The following ABCB5 variants were observed in gnomAD, a reference collection of about 807,000 sequenced individuals.
ABCB5 encodes ATP-binding cassette sub-family B member 5.
In ABCB5, 155 loss-of-function variants were observed where a neutral mutation model predicts 144.2. That is an observed-to-expected ratio of 1.08 (90% CI 0.94 to 1.23). The LOEUF (loss-of-function observed/expected upper bound fraction) is 1.23. Among genes scored for constraint, ABCB5 ranks in the 50% most tolerant of loss-of-function variants. ABCB5 has a pLI of 0.00. For missense variants in ABCB5, 1,830 were observed against 1,520.8 expected (o/e 1.20, Z -3.38); for synonymous variants, 610 against 528.6 (o/e 1.15, Z -2.11).
intron 22 of ABCB5, among the ~76,000 whole-genome samples, chr7:20,727,922 G>A (rs544016654): frequency 3.9e-5 from 6 of 151,994 alleles, no homozygotes; most frequent in Non-Finnish European, 7.4e-5. Flanking sequence ...CTTGTAGTTG[G>A]CACCACCCTT....
chr7:20,643,948 C>T (rs1039849737), intron 7 of ABCB5, among the ~76,000 whole-genome samples: 1 of 152,188 alleles, frequency 6.6e-6, no homozygotes, highest in Non-Finnish European at 1.5e-5. Flanking sequence ...TTAGTTGTTG[C>T]TGTTGGGACA....
intron 20 of ABCB5, among the ~76,000 whole-genome samples, chr7:20,706,234 C>T (rs918260242): frequency 4.6e-5 from 7 of 152,160 alleles, no homozygotes; most frequent in Non-Finnish European, 8.8e-5. Context: ...AAATATCAAT[C>T]CCTATAATTC....
Position 20,643,372 on chromosome 7 carries a change from C to G in ABCB5, c.503C>G (p.Thr168Arg). 1 of 1,613,924 alleles carries G rather than the reference C, an allele frequency of 6.2e-7. No individual in the cohort carries two copies. The highest frequency in any genetic ancestry group is 8.5e-7 in the Non-Finnish European group (1 of 1,179,842). ...CDIGELNTRMTDDIDKISDGI... is the reference protein window; with the variant it reads ...CDIGELNTRMRDDIDKISDGI... Reference sequence around the variant, plus strand: ...ATCGGTGAACTTAACACTCGCATGACAGAGTAAGAGGATGATATTGTAGTA... The same window carrying G: ...ATCGGTGAACTTAACACTCGCATGAGAGAGTAAGAGGATGATATTGTAGTA... The change falls in exon 6 of 28, where the codon ACA becomes AGA. Residue 168 changes from threonine to arginine, a missense_variant. Physicochemically the swap from Thr to Arg is moderately conservative, Grantham distance 71 (BLOSUM62 -1). Coordinates refer to ENST00000404938, the MANE Select transcript of ABCB5 (RefSeq NM_001163941.2).
rs1267165260 is a variant in ABCB5, at chr7:20,756,704, T to C, written c.*1080T>C. The C allele has an allele frequency of 2.0e-5, 3 of 152,190 alleles. No individual in the cohort carries two copies. Among genetic ancestry groups the C allele is most frequent in the East Asian group, 1.9e-4 (1 of 5,204 alleles). 9.4% of individuals were successfully genotyped at this position (152,190 alleles called of 1,614,324 possible). ...GAAAATTTTTAAACGTCTTTCTCTA[T>C]AATAAAATAATTTCCTTAAATTTTA... On this transcript the variant is annotated 3_prime_UTR_variant, in exon 28 of 28. Transcript: ENST00000404938.
chr7:20,675,895 A>T (rs1223824177), intron 14 of ABCB5, among the ~76,000 whole-genome samples: 2 of 152,136 alleles, frequency 1.3e-5, no homozygotes, highest in African/African-American at 4.8e-5. Context: ...AAGACATACA[A>T]ATGGCCAACA....
intron 20 of ABCB5, among the ~76,000 whole-genome samples, chr7:20,722,011 T>G (rs1173594637): frequency 6.6e-6 from 1 of 152,258 alleles, no homozygotes; most frequent in Non-Finnish European, 1.5e-5. Context: ...TGCTAGTATT[T>G]ATTAAAATAT....
At chr7:20,657,689 T>C (rs1376337110) in intron 13 of ABCB5, among the ~76,000 whole-genome samples, 2 of 152,208 alleles carry the variant, frequency 1.3e-5, no homozygotes, top group African/African-American at 4.8e-5. Context: ...TCTTTATTGG[T>C]ATGGTGGTAA....
intron 3 of ABCB5, among the ~76,000 whole-genome samples, chr7:20,627,557 T>C (rs1783937152): frequency 6.6e-6 from 1 of 152,170 alleles, no homozygotes; most frequent in Non-Finnish European, 1.5e-5. Context: ...ATTTTGCTCA[T>C]GATTTGGTTT....
At position 20,731,369 on chromosome 7, in the gene ABCB5, A is replaced by AAAAAAAAAAAAATATAT. The variant is rs57305244; in HGVS notation, c.2867+2915_2867+2916insAAAAAAAAAAATATATA. Among the ~76,000 whole-genome samples the AAAAAAAAAAAAATATAT allele has an allele frequency of 2.1e-4, 26 of 123,064 alleles. 1 individual carries two copies. The highest frequency in any genetic ancestry group is 7.9e-4 in the African/African-American group (24 of 30,422). 80.7% of individuals were successfully genotyped at this position (123,064 alleles called of 152,430 possible). On this transcript the variant is annotated intron_variant, in intron 23 of 27. Transcript: ENST00000404938. ...CTCCAACTCAGGAAAAAAAAAAAAAAATATATATATATATATACATATAAA... is the reference window on the plus strand; with the variant it reads ...CTCCAACTCAGGAAAAAAAAAAAAAAAAAAAAAAAAAATATATATATATATATATATATACATATAAA...
chr7:20,645,819 G>T lies in ABCB5; in HGVS notation c.742G>T (p.Glu248Ter). 2 of 1,613,880 alleles carry T rather than the reference G, an allele frequency of 1.2e-6. No individual in the cohort carries two copies. The highest frequency in any genetic ancestry group is 2.2e-5 in the East Asian group (1 of 44,870). ...AYSKAGAVAE[E>*]VLSSIRTVIA... is the part of the protein sequence containing the mutation. ...TTCCAAAGCTGGGGCTGTGGCAGAA[G>T]AAGTCTTGTCATCAATCCGAACAGT... Residue 248 changes from glutamate to a stop codon, truncating the protein, a stop_gained, in exon 8 of 28, where the codon GAA (glutamate) becomes TAA (stop). Coordinates refer to ENST00000404938, the MANE Select transcript of ABCB5 (RefSeq NM_001163941.2). LOFTEE classifies it high-confidence loss of function.
intron 6 of ABCB5, 37 bp from the exon 7 acceptor site, chr7:20,643,423 AT>A (rs1562534121): frequency 6.2e-7 from 1 of 1,613,356 alleles, no homozygotes; most frequent in East Asian, 2.2e-5. Context: ...CATATGTGAC[AT>A]GTAAATGACC....
intron 21 of ABCB5, among the ~76,000 whole-genome samples, chr7:20,724,750 G>A (rs992827947): frequency 7.9e-5 from 12 of 151,772 alleles, no homozygotes; most frequent in East Asian, 1.9e-4. Context: ...TCTGTATCAC[G>A]GTGAATGTGT....
chr7:20,716,963 T>C (rs1781693516), intron 20 of ABCB5, among the ~76,000 whole-genome samples: 1 of 152,092 alleles, frequency 6.6e-6, no homozygotes, highest in African/African-American at 2.4e-5. Context: ...GTCCCAAGGC[T>C]TAGATGGCCA....
rs372694419 is a variant in ABCB5 at position 20,747,807 on chromosome 7, C to G, written c.3429+2369C>G. Among the ~76,000 whole-genome samples, 18 of 152,092 alleles carry G rather than the reference C, an allele frequency of 1.2e-4. No individual in the cohort carries two copies. The East Asian group carries it at 1.9e-3, about 16-fold the overall frequency. On this transcript the variant is annotated intron_variant, in intron 26 of 27. Coordinates refer to ENST00000404938, the MANE Select transcript of ABCB5 (RefSeq NM_001163941.2). ...AAAACACGTAGAAAAATAAGGAAAC[C>G]TGATACCAAAATAAAATAGTTTAAA... is the stretch of plus-strand genomic sequence containing the variant.
At chr7:20,647,393 T>G in intron 9 of ABCB5, 142 bp from the exon 10 acceptor site, 1 of 1,380,878 alleles carries the variant, frequency 7.2e-7, no homozygotes, top group East Asian at 2.7e-5. Flanking sequence ...TGTTCTTTTT[T>G]ATTTGGTCAT....
At chr7:20,656,881 G>T (rs1237871132) in intron 13 of ABCB5, among the ~76,000 whole-genome samples, 1 of 148,200 alleles carries the variant, frequency 6.7e-6, no homozygotes, top group Non-Finnish European at 1.5e-5. Context: ...TGAACAAATT[G>T]TGATAGATCT....
At chr7:20,670,385 AAG>A (rs1785423703) in intron 14 of ABCB5, among the ~76,000 whole-genome samples, 4 of 150,858 alleles carry the variant, frequency 2.7e-5, no homozygotes, top group African/African-American at 9.9e-5. Context: ...AAAAAAGAAA[AAG>A]AAAAAAAAAA....
At position 20,731,718 on chromosome 7, in the gene ABCB5, C is replaced by T. The variant is rs10266880; in HGVS notation, c.2867+3263C>T. Among the ~76,000 whole-genome samples the T allele has an allele frequency of 9.2e-3, 1,403 of 152,260 alleles. 20 individuals are homozygous for T. The highest frequency in any genetic ancestry group is 0.032 in the African/African-American group (1,341 of 41,548). The stretch of plus-strand genomic sequence containing the variant: ...TTAACTAATAACACCAACCACCATC[C>T]ACACAGTTGTCAGCCCAAAAATGTT... On this transcript the variant is annotated intron_variant, in intron 23 of 27. Transcript: ENST00000404938.
intron 14 of ABCB5, chr7:20,667,192 T>TA (rs1455964400): frequency 2.2e-6 from 2 of 897,320 alleles, no homozygotes; most frequent in African/African-American, 3.6e-5. Flanking sequence ...CATGCTATAA[T>TA]AAGTTAAATT....
Sources: gnomAD v4.1 joint callset for allele counts (sites outside exome capture counted in the v4.1 genomes callset) on GRCh38, gnomAD v4.1.1 for gene constraint, MANE v1.5 for transcripts, NCBI Gene and HGNC (gene_info 2026-07-23, HGNC 2026-07-21) for gene names.